EAPP: variants seen among roughly 807,000 people sequenced by gnomAD.
EAPP encodes E2F-associated phosphoprotein.
EAPP carries 38 observed loss-of-function variants against 34.3 expected under a neutral mutation model. That is an observed-to-expected ratio of 1.11 (90% CI 0.85 to 1.45). EAPP has a LOEUF of 1.45. Ranked by LOEUF, EAPP falls within the 40% of genes most tolerant of loss-of-function variation. The pLI, the probability that EAPP is intolerant of heterozygous loss-of-function variation, is 0.00. For missense variants in EAPP, 338 were observed against 343.7 expected, an observed-to-expected ratio of 0.98 and a Z score of 0.13; for synonymous variants, 113 against 117.6, an observed-to-expected ratio of 0.96 and a Z score of 0.25.
At chr14:34,519,496 C>G (rs1049980642) in intron 5 of EAPP, among the ~76,000 whole-genome samples, 1 of 151,204 alleles carries the variant, frequency 6.6e-6, no homozygotes, top group African/African-American at 2.4e-5. Context: ...GATCGTGCCA[C>G]TGCACTCCAG....
chr14:34,527,985 A>C (rs1880149550), intron 4 of EAPP, among the ~76,000 whole-genome samples: 2 of 152,042 alleles, frequency 1.3e-5, no homozygotes, highest in South Asian at 4.1e-4. Flanking sequence ...AAAATTTTTA[A>C]CTGCTCCTTG....
intron 5 of EAPP, among the ~76,000 whole-genome samples, chr14:34,518,889 A>C (rs1232067715): frequency 3.9e-5 from 6 of 152,170 alleles, no homozygotes; most frequent in Non-Finnish European, 5.9e-5. Flanking sequence ...TCTAGGCAGC[A>C]TATAGTTGAG....
chr14:34,516,140 G>T lies in EAPP; in HGVS notation c.*170C>A. The T allele has an allele frequency of 1.8e-6, 1 of 551,988 alleles. No homozygotes were observed. 34.2% of individuals were successfully genotyped at this position (551,988 alleles called of 1,614,324 possible). Reference sequence around the variant, plus strand: ...GGGGGAAAATCAAAGAAAAAAAAAAGGAGAGGGTGAGAGATGTAAGAGATG... The same window carrying T: ...GGGGGAAAATCAAAGAAAAAAAAAATGAGAGGGTGAGAGATGTAAGAGATG... On this transcript the variant is annotated 3_prime_UTR_variant, in exon 6 of 6. Coordinates refer to ENST00000250454, the MANE Select transcript of EAPP (RefSeq NM_018453.4).
At chr14:34,528,764 TG>T in intron 4 of EAPP, among the ~76,000 whole-genome samples, 1 of 151,000 alleles carries the variant, frequency 6.6e-6, no homozygotes. Flanking sequence ...AAACAGCATC[TG>T]AAAAAAAAAG....
chr14:34,527,249 C>G (rs1880126762), intron 4 of EAPP, among the ~76,000 whole-genome samples: 2 of 151,450 alleles, frequency 1.3e-5, no homozygotes, highest in African/African-American at 4.8e-5. Context: ...AGGAGGATCA[C>G]CTGGGGCCAG....
At chr14:34,516,735 A>G (rs924139768) in intron 5 of EAPP, 149 bp from the exon 6 acceptor site, 2 of 791,214 alleles carry the variant, frequency 2.5e-6, no homozygotes, top group African/African-American at 3.5e-5. Flanking sequence ...AAGAAATTTT[A>G]AACAGTTGTT....
rs370996657 is a variant in EAPP at position 34,516,358 on chromosome 14, G to A, written c.810C>T (p.Asp270=). ...TECSTEVAVY[D]KDEVFHFFNV... is the part of the protein sequence containing the mutation. ...TGAAAAAATGAAAGACTTCATCCTT[G>A]TCGTAGACTGCCACTTCAGTGGAAC... is the stretch of plus-strand genomic sequence containing the variant. Residue 270 remains aspartate (D), a synonymous_variant, in exon 6 of 6, where the codon GAC becomes GAT. Coordinates refer to ENST00000250454, the MANE Select transcript of EAPP (RefSeq NM_018453.4). 6.2e-6 allele frequency: 10 copies of A among 1,613,934 alleles called. No individual in the cohort carries two copies. In the African/African-American group the frequency reaches 1.2e-4, roughly 19 times the overall value.
intron 3 of EAPP, among the ~76,000 whole-genome samples, chr14:34,530,922 A>G (rs1254202471): frequency 1.3e-4 from 19 of 150,170 alleles, no homozygotes; most frequent in South Asian, 8.3e-4. Flanking sequence ...AAAAAAAAAA[A>G]AAAAGAAAGA....
intron 5 of EAPP, among the ~76,000 whole-genome samples, chr14:34,521,379 T>G (rs1399208048): frequency 1.3e-5 from 2 of 152,100 alleles, no homozygotes; most frequent in Non-Finnish European, 2.9e-5. Flanking sequence ...CTACTGCTAT[T>G]AATTTTTTGA....
chr14:34,522,897 A>G (rs1040463640), intron 5 of EAPP, among the ~76,000 whole-genome samples: 1 of 152,098 alleles, frequency 6.6e-6, no homozygotes, highest in African/African-American at 2.4e-5. Flanking sequence ...TGAGGCAGGG[A>G]CAGATCTCTT....
chr14:34,537,333 T>C (rs1880512089), intron 1 of EAPP, among the ~76,000 whole-genome samples: 1 of 152,220 alleles, frequency 6.6e-6, no homozygotes, highest in South Asian at 2.1e-4. Flanking sequence ...TATAACTGAA[T>C]GTGAATCTAC....
At chr14:34,528,885 C>A (rs1203492176) in intron 4 of EAPP, among the ~76,000 whole-genome samples, 2 of 151,762 alleles carry the variant, frequency 1.3e-5, no homozygotes, top group African/African-American at 4.8e-5. Flanking sequence ...GCCTGTAATC[C>A]CAGCACTTTG....
chr14:34,534,760 G>A (rs1215831728), intron 2 of EAPP, among the ~76,000 whole-genome samples: 1 of 151,974 alleles, frequency 6.6e-6, no homozygotes, highest in African/African-American at 2.4e-5. Flanking sequence ...CCAGCACTTT[G>A]GGAGGCCAAT....
intron 4 of EAPP, among the ~76,000 whole-genome samples, chr14:34,528,947 C>T (rs1880186326): frequency 6.6e-6 from 1 of 151,620 alleles, no homozygotes; most frequent in African/African-American, 2.4e-5. Flanking sequence ...CCAGCCTGGC[C>T]AACATGGTGA....
intron 5 of EAPP, 151 bp downstream of exon 5, chr14:34,524,546 G>A: frequency 4.9e-6 from 3 of 613,704 alleles, no homozygotes; most frequent in South Asian, 2.0e-5. Context: ...AACCCACGGG[G>A]CGGAGGTTGC....
At chr14:34,536,667 G>A (rs751230295) in intron 1 of EAPP, among the ~76,000 whole-genome samples, 31 of 151,622 alleles carry the variant, frequency 2.0e-4, no homozygotes, top group Non-Finnish European at 2.7e-4. Context: ...AATTTTTGTC[G>A]AAATGGGGTT....
chr14:34,517,867 C>T (rs1031475775), intron 5 of EAPP, among the ~76,000 whole-genome samples: 7 of 151,038 alleles, frequency 4.6e-5, no homozygotes, highest in Admixed American at 4.0e-4. Context: ...CTCTGCCTCC[C>T]GGGTTCAAGC....
chr14:34,525,930 G>T (rs1594662597), intron 4 of EAPP, among the ~76,000 whole-genome samples: 1 of 152,022 alleles, frequency 6.6e-6, no homozygotes, highest in South Asian at 2.1e-4. Context: ...TGAGGCAGGA[G>T]AATCGGTTGA....
chr14:34,516,573 T>C lies in EAPP; in HGVS notation c.595A>G (p.Lys199Glu). ...CLDCQRHESY[K>E]TQYRAMFVMN... ...ACAAACATTGCTCTATATTGAGTTT[T>C]GTATGATTCATGCCTAAGAGAAAAA... The change falls in exon 6 of 6, where the codon AAA becomes GAA. Residue 199 changes from lysine to glutamate, a missense_variant. Transcript: ENST00000250454. 6.2e-7 allele frequency: 1 copy of C among 1,611,768 alleles called. No individual in the cohort carries two copies. The highest frequency in any genetic ancestry group is 8.5e-7 in the Non-Finnish European group (1 of 1,179,132).
Sources: gnomAD v4.1 joint callset for allele counts (sites outside exome capture counted in the v4.1 genomes callset) on GRCh38, gnomAD v4.1.1 for gene constraint, MANE v1.5 for transcripts, NCBI Gene and HGNC (gene_info 2026-07-23, HGNC 2026-07-21) for gene names.